GSK3B: variants seen among roughly 807,000 people sequenced by gnomAD.
GSK3B encodes glycogen synthase kinase 3 beta.
GSK3B carries 15 observed loss-of-function variants against 56.4 expected under a neutral mutation model. The ratio of observed to expected loss-of-function variants is 0.27; its 90% CI spans 0.18 to 0.41. The LOEUF (loss-of-function observed/expected upper bound fraction) is 0.41, where lower values mean the gene tolerates loss of function less well. Among genes scored for constraint, GSK3B ranks in the 10% least tolerant of loss-of-function variants. The pLI is 1.00. For missense variants in GSK3B, 300 were observed against 513.4 expected, an observed-to-expected ratio of 0.58 and a Z score of 4.02; for synonymous variants, 181 against 188.9, an observed-to-expected ratio of 0.96 and a Z score of 0.34.
rs554809891 is a variant in GSK3B at position 120,093,836 on chromosome 3, TG to T, written c.-403del. ...CTCGGGGATTTTTTTTCCGAGTCAA[TG>T]AAGAAGGGAAGCGGCGGAAGGATCA... is the stretch of plus-strand genomic sequence containing the variant. On this transcript the variant is annotated 5_prime_UTR_variant, in exon 1 of 11. Coordinates refer to ENST00000264235, the MANE Select transcript of GSK3B (RefSeq NM_001146156.2). The T allele has an allele frequency of 3.1e-3, 656 of 210,984 alleles. 1 individual carries two copies. The highest frequency in any genetic ancestry group is 0.014 in the African/African-American group (597 of 42,168). The allele number at this position is 210,984 out of a possible 1,614,324, so 13.1% of individuals were successfully genotyped here.
At chr3:120,014,050 G>T (rs533090371) in intron 1 of GSK3B, among the ~76,000 whole-genome samples, 19 of 150,222 alleles carry the variant, frequency 1.3e-4, no homozygotes, top group African/African-American at 3.4e-4. Context: ...CAAGAGAATT[G>T]CTTGAACCCG....
rs571255984 is a variant in GSK3B, at chr3:120,019,494, AAAC to A, written c.89-17258_89-17256del. Among the ~76,000 whole-genome samples the A allele has an allele frequency of 2.2e-4, 34 of 152,266 alleles. No homozygotes were observed. In the South Asian group the frequency reaches 6.6e-3, roughly 30 times the overall value. The stretch of plus-strand genomic sequence containing the variant: ...TTTGTGTGTCAATGAAATCTATCTC[AAAC>A]AATTTCTTTTTCAAACACACATCCT... On this transcript the variant is annotated intron_variant, in intron 1 of 10. Transcript: ENST00000264235.
intron 9 of GSK3B, 75 bp downstream of exon 9, chr3:119,863,344 A>C: frequency 8.4e-7 from 1 of 1,190,198 alleles, no homozygotes; most frequent in African/African-American, 1.5e-5. Context: ...ACAGATTTTA[A>C]TTAATAGAAT....
At chr3:120,065,613 C>G (rs534215831) in intron 1 of GSK3B, among the ~76,000 whole-genome samples, 2 of 152,054 alleles carry the variant, frequency 1.3e-5, no homozygotes, top group Non-Finnish European at 2.9e-5. Context: ...TTATTAGGTA[C>G]AGACCTAAAA....
rs550145796 is a variant in GSK3B, at chr3:119,861,510, CA to C, written c.1096+1908del. The stretch of plus-strand genomic sequence containing the variant: ...TGAGTGACAGAGTGAGACTCCGTCT[CA>C]AAAAAAAAAAAAACAAAACAAACAA... On this transcript the variant is annotated intron_variant, in intron 9 of 10. Coordinates refer to ENST00000264235, the MANE Select transcript of GSK3B (RefSeq NM_001146156.2). Among the ~76,000 whole-genome samples, 675 of 74,058 alleles carry C rather than the reference CA, an allele frequency of 9.1e-3. 11 individuals are homozygous for C. Among genetic ancestry groups the C allele is most frequent in the South Asian group, 0.071 (172 of 2,418 alleles). The allele number at this position is 74,058 out of a possible 152,430, so 48.6% of individuals were successfully genotyped here.
Position 120,002,239 on chromosome 3 carries a change from C to G in GSK3B, c.89G>C (p.Arg30Thr). ...TGTCACCTTGCTGCCGTCCTTGTCT[C>G]CTAAAGGAAGAAAGGAAATTTTTTT... ...PSAFGSMKVS[R>T]DKDGSKVTTV... The change falls in exon 2 of 11, where the codon AGA (arginine) becomes ACA (threonine). Residue 30 changes from arginine (R) to threonine (T), a missense_variant and splice_region_variant. Transcript: ENST00000264235. 2 of 1,514,128 alleles carry G rather than the reference C, an allele frequency of 1.3e-6. No individual in the cohort carries two copies. Among genetic ancestry groups the G allele is most frequent in the Non-Finnish European group, 1.8e-6 (2 of 1,135,132 alleles). 93.8% of individuals were successfully genotyped at this position (1,514,128 alleles called of 1,614,324 possible). A position where few individuals can be genotyped will look rare whatever the true frequency, so the allele number is the denominator to read the frequency against.
chr3:119,967,566 A>G (rs535052057), intron 2 of GSK3B, among the ~76,000 whole-genome samples: 6 of 152,298 alleles, frequency 3.9e-5, no homozygotes, highest in South Asian at 4.1e-4. Context: ...TTATCAATCA[A>G]TGAAAGAGAA....
intron 9 of GSK3B, among the ~76,000 whole-genome samples, chr3:119,849,081 G>A (rs2055893521): frequency 6.6e-6 from 1 of 152,134 alleles, no homozygotes; most frequent in African/African-American, 2.4e-5. Flanking sequence ...TAGCAATTGT[G>A]ATGGCTGAAA....
intron 3 of GSK3B, among the ~76,000 whole-genome samples, chr3:119,929,307 A>G (rs1187139791): frequency 6.6e-6 from 1 of 152,230 alleles, no homozygotes. Context: ...TCATTAACAC[A>G]GATGTCAAAA....
intron 1 of GSK3B, among the ~76,000 whole-genome samples, chr3:120,066,839 A>G (rs1576306572): frequency 6.6e-6 from 1 of 152,224 alleles, no homozygotes; most frequent in East Asian, 1.9e-4. Context: ...ATCCTAATAA[A>G]ACTTTATTTA....
intron 2 of GSK3B, among the ~76,000 whole-genome samples, chr3:119,979,171 C>A (rs956239806): frequency 6.6e-6 from 1 of 152,148 alleles, no homozygotes; most frequent in Non-Finnish European, 1.5e-5. Flanking sequence ...CTTTAACTTG[C>A]AAATTCTCAG....
chr3:119,950,022 T>A (rs2057141395), intron 2 of GSK3B, among the ~76,000 whole-genome samples: 1 of 151,804 alleles, frequency 6.6e-6, no homozygotes, highest in Admixed American at 6.6e-5. Context: ...AAAGCAAGGG[T>A]ACCTAATGAT....
intron 2 of GSK3B, among the ~76,000 whole-genome samples, chr3:119,957,348 AC>A (rs1323946110): frequency 2.0e-5 from 3 of 152,254 alleles, no homozygotes; most frequent in Non-Finnish European, 4.4e-5. Flanking sequence ...TACACAGACT[AC>A]TTGCCCAGCA....
intron 2 of GSK3B, among the ~76,000 whole-genome samples, chr3:119,955,451 G>A (rs1406424231): frequency 6.6e-6 from 1 of 152,084 alleles, no homozygotes; most frequent in Non-Finnish European, 1.5e-5. Flanking sequence ...TAATGGGTGA[G>A]CAAACCAACA....
At position 120,018,960 on chromosome 3, in the gene GSK3B, T is replaced by C. The variant is rs566470617; in HGVS notation, c.89-16721A>G. On this transcript the variant is annotated intron_variant, in intron 1 of 10. Coordinates refer to ENST00000264235, the MANE Select transcript of GSK3B (RefSeq NM_001146156.2). Reference sequence around the variant, plus strand: ...TTGTAGGAATAGAAGGAACATTTCCTGATTTTCTTTTTGGACTGCTTTCTT... The same window carrying C: ...TTGTAGGAATAGAAGGAACATTTCCCGATTTTCTTTTTGGACTGCTTTCTT... 5.3e-5 allele frequency among the ~76,000 whole-genome samples: 8 copies of C among 152,340 alleles called. No homozygotes were observed. In the South Asian group the frequency reaches 8.3e-4, roughly 16 times the overall value.
chr3:119,848,233 A>C (rs1338720118), intron 9 of GSK3B, among the ~76,000 whole-genome samples: 8 of 152,318 alleles, frequency 5.3e-5, no homozygotes, highest in African/African-American at 1.7e-4. Context: ...TACCTGGGAT[A>C]ACCCTGGTTT....
At chr3:119,934,489 GT>G (rs1332799296) in intron 3 of GSK3B, among the ~76,000 whole-genome samples, 1 of 152,170 alleles carries the variant, frequency 6.6e-6, no homozygotes, top group East Asian at 1.9e-4. Flanking sequence ...TGCCATGCAG[GT>G]AAGTAAGATA....
chr3:119,937,618 C>T (rs1008144872), intron 3 of GSK3B, among the ~76,000 whole-genome samples: 1 of 151,968 alleles, frequency 6.6e-6, no homozygotes, highest in South Asian at 2.1e-4. Context: ...TTACGGGATG[C>T]AGCAAAGACA....
chr3:120,051,787 T>C (rs1452850466), intron 1 of GSK3B, among the ~76,000 whole-genome samples: 3 of 149,434 alleles, frequency 2.0e-5, no homozygotes, highest in African/African-American at 2.5e-5. Context: ...AAAAAAGATA[T>C]GAGTAATTTG....
Sources: allele counts gnomAD v4.1 joint callset (sites outside exome capture counted in the v4.1 genomes callset), GRCh38; gene constraint gnomAD v4.1.1; transcripts MANE v1.5; gene names NCBI Gene and HGNC (gene_info 2026-07-23, HGNC 2026-07-21).